The following NT5C1B variants were observed in gnomAD, a reference collection of about 807,000 sequenced individuals.
The protein encoded by NT5C1B is cytosolic 5'-nucleotidase 1B.
Under a neutral mutation model 57.8 loss-of-function variants are expected in NT5C1B, and 44 were observed. The ratio of observed to expected loss-of-function variants is 0.76; its 90% CI spans 0.60 to 0.98. NT5C1B has a LOEUF of 0.98. Among genes scored for constraint, NT5C1B ranks in the 50% least tolerant of loss-of-function variants. NT5C1B has a pLI of 0.00. For missense variants in NT5C1B, 742 were observed against 719.5 expected, an observed-to-expected ratio of 1.03 and a Z score of -0.36; for synonymous variants, 284 against 282.6, an observed-to-expected ratio of 1.00 and a Z score of -0.05.
At chr2:18,583,049 TG>T (rs1558384551) in intron 5 of NT5C1B, 52 bp from the exon 6 acceptor site, 1 of 1,582,438 alleles carries the variant, frequency 6.3e-7, no homozygotes. Flanking sequence ...AGGGTGGATC[TG>T]GGGAGGCCGG....
At chr2:18,585,386 A>C (rs542887233) in intron 3 of NT5C1B, among the ~76,000 whole-genome samples, 1 of 152,270 alleles carries the variant, frequency 6.6e-6, no homozygotes, top group East Asian at 1.9e-4. Flanking sequence ...CCAGTGCCTT[A>C]GTGTGCGACT....
intron 6 of NT5C1B, 74 bp downstream of exon 6, chr2:18,582,794 A>T: frequency 6.4e-7 from 1 of 1,561,846 alleles, no homozygotes; most frequent in Non-Finnish European, 8.7e-7. Context: ...GTTAAGCCAC[A>T]GTTAGCAAAA....
intron 8 of NT5C1B, among the ~76,000 whole-genome samples, chr2:18,575,041 G>T (rs992411362): frequency 1.3e-5 from 2 of 151,930 alleles, no homozygotes; most frequent in African/African-American, 4.8e-5. Flanking sequence ...AAATCTAAAA[G>T]AAATTTAGAT....
intron 8 of NT5C1B, among the ~76,000 whole-genome samples, chr2:18,574,881 T>C (rs1280858138): frequency 6.6e-6 from 1 of 152,098 alleles, no homozygotes; most frequent in Non-Finnish European, 1.5e-5. Flanking sequence ...TATTACCTTA[T>C]TTGTAGTGAC....
At chr2:18,563,488 TAAGC>T (rs958570795) in exon 9 of NT5C1B, 2 of 214,836 alleles carry the variant, frequency 9.3e-6, no homozygotes, top group African/African-American at 4.6e-5. Flanking sequence ...TAAAACTAAG[TAAGC>T]TTCTAAAACA....
chr2:18,589,566 G>A, exon 1 of NT5C1B: 6 of 1,559,626 alleles, frequency 3.8e-6, no homozygotes, highest in Non-Finnish European at 5.3e-6. Context: ...TTTGCATTTA[G>A]AATGTCAAAT....
chr2:18,583,711 T>C (rs1291926717), intron 5 of NT5C1B: 7 of 396,004 alleles, frequency 1.8e-5, no homozygotes, highest in Admixed American at 6.5e-5. Flanking sequence ...TATGCTATGT[T>C]TGGGGCCAGA....
intron 8 of NT5C1B, among the ~76,000 whole-genome samples, chr2:18,573,482 T>C (rs574865251): frequency 6.6e-6 from 1 of 151,628 alleles, no homozygotes; most frequent in East Asian, 1.9e-4. Context: ...ACACACACAC[T>C]TAGAGACCAT....
At chr2:18,571,667 A>ACC (rs1558371980) in intron 8 of NT5C1B, among the ~76,000 whole-genome samples, 1 of 125,646 alleles carries the variant, frequency 8.0e-6, no homozygotes, top group African/African-American at 3.6e-5. Flanking sequence ...ATCTATATGA[A>ACC]AGTGCAAGGG....
rs149391686 is a variant in NT5C1B, at chr2:18,566,650, C to T, written c.1330-2531G>A. Among the ~76,000 whole-genome samples, 311 of 152,202 alleles carry T rather than the reference C, an allele frequency of 2.0e-3. 2 individuals are homozygous for T. The highest frequency in any genetic ancestry group is 0.02 in the Middle Eastern group (6 of 294). ...TATGTCACCACATTCAAACCAAGTA[C>T]CCATCTCATTCTCTTTTACTTCTAT... On this transcript the variant is annotated intron_variant, in intron 8 of 8. Coordinates refer to ENST00000304081, the Ensembl canonical transcript of NT5C1B.
At position 18,569,028 on chromosome 2, in the gene NT5C1B, G is replaced by C. The variant is rs949524030; in HGVS notation, c.1330-4909C>G. ...CTGAGACCTGTTTCAGATTTTTGAG[G>C]TTCACAGTAGCAAAGTATAGAGAGT... On this transcript the variant is annotated intron_variant, in intron 8 of 8. Transcript: ENST00000304081. Among the ~76,000 whole-genome samples the C allele has an allele frequency of 2.0e-5, 3 of 152,072 alleles. No individual in the cohort carries two copies. In the South Asian group the frequency reaches 6.2e-4, roughly 32 times the overall value.
In NT5C1B at chr2:18,576,704, G is replaced by A. The variant is rs1260447933; in HGVS notation, c.1144+69C>T. ...GACCATAAGCCTCATAATCATATGC[G>A]AAACTTAATGTAAGTCACCATTAGT... On this transcript the variant is annotated intron_variant, in intron 7 of 8. Coordinates refer to ENST00000304081, the Ensembl canonical transcript of NT5C1B. 5.2e-5 allele frequency: 82 copies of A among 1,586,972 alleles called. 1 individual carries two copies. In the Middle Eastern group the frequency reaches 5.4e-4, roughly 10 times the overall value.
intron 6 of NT5C1B, among the ~76,000 whole-genome samples, chr2:18,577,360 A>G (rs1665779011): frequency 7.0e-6 from 1 of 143,860 alleles, no homozygotes; most frequent in South Asian, 2.3e-4. Flanking sequence ...AGGTCTATTA[A>G]GATGTGGCTC....
In NT5C1B at chr2:18,584,208, G is replaced by A. The variant is rs780814671; in HGVS notation, c.771C>T (p.Leu257=). ...TTTTCCTGCCGTCCACCATGTTGAA[G>A]AGCGCGCAGGATGAGAGAGCAATGG... Residue 257 remains leucine, a synonymous_variant, in exon 5 of 9, where the codon CTC becomes CTT. Coordinates refer to ENST00000304081, the Ensembl canonical transcript of NT5C1B. The surrounding 1 kb of genome is among the most constrained non-coding windows in gnomAD (Gnocchi z 5.8). 2 of 1,614,174 alleles carry A rather than the reference G, an allele frequency of 1.2e-6. No homozygotes were observed. Among genetic ancestry groups the A allele is most frequent in the Admixed American group, 3.3e-5 (2 of 60,014 alleles).
chr2:18,576,880 C>T lies in NT5C1B; in HGVS notation c.1037G>A (p.Arg346His), dbSNP rs142671746. 4.9e-5 allele frequency: 79 copies of T among 1,613,644 alleles called. No homozygotes were observed. Among genetic ancestry groups the T allele is most frequent in the African/African-American group, 1.7e-4 (13 of 74,978 alleles). ...GTCTTTTCCCCCGGTCAGACAGAAG[C>T]GGTCAATCAGTAAGCCTATTATCAG... The change falls in exon 7 of 9, where the codon CGC (arginine) becomes CAC (histidine). Residue 346 changes from arginine (R) to histidine (H), a missense_variant. By Grantham distance (29) the Arg-to-His change is conservative (BLOSUM62 0). Coordinates refer to ENST00000304081, the Ensembl canonical transcript of NT5C1B.
intron 8 of NT5C1B, among the ~76,000 whole-genome samples, chr2:18,571,041 A>T (rs1055119788): frequency 1.3e-5 from 2 of 152,190 alleles, no homozygotes; most frequent in African/African-American, 4.8e-5. Context: ...AGCTCCCTCA[A>T]CCTGACAAAA....
chr2:18,588,941 C>A (rs1452754113), intron 1 of NT5C1B, among the ~76,000 whole-genome samples: 1 of 152,160 alleles, frequency 6.6e-6, no homozygotes, highest in Non-Finnish European at 1.5e-5. Flanking sequence ...CATACACCAG[C>A]CTTATTTCCT....
intron 5 of NT5C1B, 174 bp downstream of exon 5, chr2:18,583,914 C>G (rs761820497): frequency 1.5e-5 from 16 of 1,096,844 alleles, no homozygotes; most frequent in Non-Finnish European, 2.2e-5. Flanking sequence ...CCTTCCTCCA[C>G]AGTCTGGAAG....
intron 1 of NT5C1B, among the ~76,000 whole-genome samples, 156 bp from the exon 2 acceptor site, chr2:18,587,748 A>G (rs1336921228): frequency 6.6e-6 from 1 of 152,262 alleles, no homozygotes; most frequent in Non-Finnish European, 1.5e-5. Context: ...TGTTCTAACA[A>G]GCATGAGTAA....
Sources: allele counts gnomAD v4.1 joint callset (sites outside exome capture counted in the v4.1 genomes callset), GRCh38; gene constraint gnomAD v4.1.1; non-coding constraint Gnocchi (gnomAD v3.1); transcripts MANE v1.5; gene names NCBI Gene and HGNC (gene_info 2026-07-23, HGNC 2026-07-21).